The following SMCO2 variants were observed in gnomAD, a reference collection of about 807,000 sequenced individuals.
SMCO2 encodes single-pass membrane protein with coiled-coil domains 2.
In SMCO2, 25 loss-of-function variants were observed where a neutral mutation model predicts 29.5. The ratio of observed to expected loss-of-function variants is 0.85; its 90% CI spans 0.62 to 1.18. The LOEUF (loss-of-function observed/expected upper bound fraction) is 1.18. Ranked by LOEUF, SMCO2 falls within the 50% of genes most tolerant of loss-of-function variation. SMCO2 has a pLI of 0.00. For synonymous variants in SMCO2, 117 were observed against 123.3 expected, an observed-to-expected ratio of 0.95 and a Z score of 0.34; for missense variants, 348 against 344.5, an observed-to-expected ratio of 1.01 and a Z score of -0.08.
At chr12:27,432,687 CA>C in the SMCO2 span, among the ~76,000 whole-genome samples, 7 of 152,206 alleles carry the variant, frequency 4.6e-5, no homozygotes, top group Admixed American at 4.6e-4. Flanking sequence ...GAGCTCCAGG[CA>C]ACCATTCATG....
At chr12:27,467,551 T>C (rs1258198938) in intron 1 of SMCO2, among the ~76,000 whole-genome samples, 2 of 151,752 alleles carry the variant, frequency 1.3e-5, no homozygotes, top group African/African-American at 4.8e-5. Flanking sequence ...AGACCACACT[T>C]TGAGCACTAA....
At chr12:27,480,971 T>G (rs978728580) in intron 4 of SMCO2, among the ~76,000 whole-genome samples, 13 of 152,212 alleles carry the variant, frequency 8.5e-5, no homozygotes, top group Non-Finnish European at 1.8e-4. Context: ...GCCCAAACTT[T>G]GGCTCCCTTT....
Position 27,470,593 on chromosome 12 carries a change from C to A in SMCO2, c.-10-29C>A. On this transcript the variant is annotated intron_variant, in intron 1 of 7. Coordinates refer to ENST00000298876, the Ensembl canonical transcript of SMCO2. ...GTGGTTGCCATTTCTGCCATAAAAT[C>A]CCTCTTGTTGTCATTATTGTCCTTA... 2.0e-6 allele frequency: 3 copies of A among 1,536,496 alleles called. No individual in the cohort carries two copies. In the South Asian group the frequency reaches 3.6e-5, roughly 19 times the overall value.
the SMCO2 span, among the ~76,000 whole-genome samples, chr12:27,447,832 T>C: frequency 6.6e-6 from 1 of 152,028 alleles, no homozygotes; most frequent in South Asian, 2.1e-4. Context: ...TACAGTAAAA[T>C]TTGAGAAACT....
At chr12:27,487,643 G>A (rs1332474656) in intron 4 of SMCO2, among the ~76,000 whole-genome samples, 2 of 152,164 alleles carry the variant, frequency 1.3e-5, no homozygotes, top group Non-Finnish European at 2.9e-5. Context: ...CTGCCAAACA[G>A]TGTTCCAGAG....
At chr12:27,480,333 C>T (rs1949631225) in intron 4 of SMCO2, among the ~76,000 whole-genome samples, 1 of 152,172 alleles carries the variant, frequency 6.6e-6, no homozygotes, top group South Asian at 2.1e-4. Flanking sequence ...CTGGCAACAC[C>T]CTCACAGACA....
chr12:27,498,472 C>A, intron 7 of SMCO2: 1 of 218,548 alleles, frequency 4.6e-6, no homozygotes. Context: ...GGAGAAAGAT[C>A]GACAAGAGTG....
chr12:27,468,432 T>G (rs1158358260), intron 1 of SMCO2, among the ~76,000 whole-genome samples: 2 of 152,258 alleles, frequency 1.3e-5, no homozygotes, highest in Non-Finnish European at 2.9e-5. Flanking sequence ...TGCAATAAAA[T>G]GTCATTTCTA....
At chr12:27,454,995 A>G in the SMCO2 span, among the ~76,000 whole-genome samples, 38 of 152,304 alleles carry the variant, frequency 2.5e-4, no homozygotes, top group East Asian at 7.1e-3. Context: ...CTTTTAATCA[A>G]TTCCTATCGT....
rs1266297884 is a variant in SMCO2, at chr12:27,494,415, A to G, written c.507+59A>G. The G allele has an allele frequency of 3.2e-6, 4 of 1,249,212 alleles. No homozygotes were observed. The African/African-American group carries it at 4.7e-5, about 15-fold the overall frequency. The allele number at this position is 1,249,212 out of a possible 1,614,324, so 77.4% of individuals were successfully genotyped here. On this transcript the variant is annotated intron_variant, in intron 6 of 7. Coordinates refer to ENST00000298876, the Ensembl canonical transcript of SMCO2. ...AAAATCAGATAATTTATGTCTAAAT[A>G]CAGGGGTCATTCATTGCCTAGAATA...
Position 27,492,139 on chromosome 12 carries a change from A to G in SMCO2, c.451-2161A>G, listed in dbSNP as rs981836767. Reference sequence around the variant, plus strand: ...TATTCTTCCAAATTTTTATACATACATTTACACATTGTTGTTTTGATGGGA... The same window carrying G: ...TATTCTTCCAAATTTTTATACATACGTTTACACATTGTTGTTTTGATGGGA... On this transcript the variant is annotated intron_variant, in intron 5 of 7. Transcript: ENST00000298876. Among the ~76,000 whole-genome samples the G allele has an allele frequency of 6.6e-5, 10 of 152,334 alleles. No individual in the cohort carries two copies. In the East Asian group the frequency reaches 1.7e-3, roughly 26 times the overall value.
At chr12:27,450,866 C>T in the SMCO2 span, among the ~76,000 whole-genome samples, 2 of 152,286 alleles carry the variant, frequency 1.3e-5, no homozygotes, top group South Asian at 2.1e-4. Context: ...ACAGTGAGTA[C>T]TGCAAAGTTA....
At chr12:27,434,294 A>G in the SMCO2 span, among the ~76,000 whole-genome samples, 1 of 152,194 alleles carries the variant, frequency 6.6e-6, no homozygotes, top group Admixed American at 6.5e-5. Context: ...GCCCAGAAAC[A>G]TGTAATAGGC....
intron 5 of SMCO2, among the ~76,000 whole-genome samples, chr12:27,491,200 A>G (rs1312406679): frequency 6.6e-6 from 1 of 152,222 alleles, no homozygotes; most frequent in East Asian, 1.9e-4. Context: ...AGGCATGAAA[A>G]GAGAAGGAGG....
the SMCO2 span, among the ~76,000 whole-genome samples, chr12:27,426,694 A>G: frequency 9.2e-5 from 14 of 152,330 alleles, no homozygotes; most frequent in African/African-American, 2.9e-4. Context: ...TCCTGAGACT[A>G]TATAGCAAAC....
the SMCO2 span, among the ~76,000 whole-genome samples, chr12:27,454,908 T>TA: frequency 1.5e-5 from 1 of 68,526 alleles, no homozygotes; most frequent in African/African-American, 4.1e-5. Context: ...CATGAGCTCA[T>TA]CCTTTTTTAT....
intron 4 of SMCO2, 57 bp downstream of exon 4, chr12:27,474,970 A>C: frequency 6.6e-7 from 1 of 1,521,600 alleles, no homozygotes; most frequent in Admixed American, 2.1e-5. Context: ...GGGAAAATAG[A>C]ATTTAAGCAG....
chr12:27,472,918 A>T, intron 3 of SMCO2, 43 bp downstream of exon 3: 1 of 1,373,044 alleles, frequency 7.3e-7, no homozygotes, highest in Non-Finnish European at 1.0e-6. Flanking sequence ...TAAATGACAC[A>T]GTAGGTTGAA....
chr12:27,478,875 C>T (rs548179261), intron 4 of SMCO2, among the ~76,000 whole-genome samples: 1 of 152,248 alleles, frequency 6.6e-6, no homozygotes, highest in Admixed American at 6.5e-5. Flanking sequence ...TCAAACTCCT[C>T]AATGATGCAC....
Sources: gnomAD v4.1 joint callset for allele counts (sites outside exome capture counted in the v4.1 genomes callset) on GRCh38, gnomAD v4.1.1 for gene constraint, MANE v1.5 for transcripts, NCBI Gene and HGNC (gene_info 2026-07-23, HGNC 2026-07-21) for gene names.